TENM2: variants seen among roughly 807,000 people sequenced by gnomAD.
The protein encoded by TENM2 is teneurin transmembrane protein 2.
Under a neutral mutation model 245.2 loss-of-function variants are expected in TENM2, and 52 were observed. The observed-to-expected ratio is 0.21, with a 90% CI of 0.17 to 0.27. The LOEUF (loss-of-function observed/expected upper bound fraction) is 0.27. Among genes scored for constraint, TENM2 ranks in the 10% least tolerant of loss-of-function variants. The pLI is 1.00. For missense variants in TENM2, 3,046 were observed against 3,666.8 expected (o/e 0.83, Z 4.37); for synonymous variants, 1,363 against 1,438.9 (o/e 0.95, Z 1.19).
intron 2 of TENM2, among the ~76,000 whole-genome samples, chr5:167,474,587 C>T (rs1316169708): frequency 1.3e-5 from 2 of 151,520 alleles, no homozygotes; most frequent in African/African-American, 4.9e-5. Context: ...GATCATGGCT[C>T]ACTGCAACCT....
chr5:167,258,215 G>GTATATATATATGTGTGTATATATA, the TENM2 span, among the ~76,000 whole-genome samples: 55 of 122,882 alleles, frequency 4.5e-4, no homozygotes, highest in African/African-American at 1.7e-3. Flanking sequence ...ATATATATAT[G>GTATATATATATGTGTGTATATATA]TATATATATA....
intron 3 of TENM2, among the ~76,000 whole-genome samples, chr5:167,912,565 G>C (rs1776631593): frequency 6.6e-6 from 1 of 152,158 alleles, no homozygotes. Flanking sequence ...AGGAGTGGGT[G>C]AGTGGAAAGT....
chr5:167,926,739 C>T (rs1453008145), intron 3 of TENM2, among the ~76,000 whole-genome samples: 1 of 149,946 alleles, frequency 6.7e-6, no homozygotes, highest in African/African-American at 2.5e-5. Flanking sequence ...CACACACACA[C>T]ACACACACAC....
At chr5:167,596,027 A>T (rs1776182648) in intron 2 of TENM2, among the ~76,000 whole-genome samples, 1 of 152,098 alleles carries the variant, frequency 6.6e-6, no homozygotes, top group African/African-American at 2.4e-5. Flanking sequence ...AACCCCCCTT[A>T]TTTGATTTTG....
intron 2 of TENM2, among the ~76,000 whole-genome samples, chr5:167,397,987 T>G (rs1182779089): frequency 6.6e-6 from 1 of 152,166 alleles, no homozygotes; most frequent in African/African-American, 2.4e-5. Context: ...GAACTATATA[T>G]ACTCCATGCA....
At chr5:166,993,475 G>A in the TENM2 span, among the ~76,000 whole-genome samples, 332 of 152,266 alleles carry the variant, frequency 2.2e-3, 3 homozygotes, top group Middle Eastern at 6.8e-3. Flanking sequence ...AACAATTCTA[G>A]AGCCAGGACC....
At chr5:167,109,545 C>T in the TENM2 span, among the ~76,000 whole-genome samples, 4 of 152,262 alleles carry the variant, frequency 2.6e-5, no homozygotes, top group East Asian at 3.9e-4. Context: ...TCACTTCCCA[C>T]GTTCATCCTA....
chr5:167,573,586 T>TTC (rs906755869), intron 2 of TENM2, among the ~76,000 whole-genome samples: 2 of 151,796 alleles, frequency 1.3e-5, no homozygotes, highest in Non-Finnish European at 2.9e-5. Flanking sequence ...TCGCTCATTG[T>TTC]TCTCTCTCTC....
At chr5:167,569,949 A>G (rs906804915) in intron 2 of TENM2, among the ~76,000 whole-genome samples, 61 of 152,248 alleles carry the variant, frequency 4.0e-4, no homozygotes, top group Admixed American at 2.6e-4. Flanking sequence ...TGTGATAGCT[A>G]TGGGAATTAA....
intron 2 of TENM2, among the ~76,000 whole-genome samples, chr5:167,808,926 G>A (rs1416981584): frequency 6.6e-6 from 1 of 152,180 alleles, no homozygotes; most frequent in African/African-American, 2.4e-5. Flanking sequence ...TTTGCAAGAT[G>A]TATCATTGTT....
chr5:167,351,736 C>T (rs1758927911), intron 1 of TENM2, among the ~76,000 whole-genome samples: 1 of 152,122 alleles, frequency 6.6e-6, no homozygotes, highest in South Asian at 2.1e-4. Context: ...TCCTAATTAG[C>T]TGTTTTCAAA....
the TENM2 span, among the ~76,000 whole-genome samples, chr5:167,056,127 G>T: frequency 6.6e-5 from 10 of 151,674 alleles, no homozygotes; most frequent in Non-Finnish European, 1.3e-4. Flanking sequence ...ATTGAGTGTT[G>T]GATTTGTCAA....
At chr5:167,883,571 C>T (rs1258908562) in intron 3 of TENM2, among the ~76,000 whole-genome samples, 5 of 152,146 alleles carry the variant, frequency 3.3e-5, no homozygotes, top group Admixed American at 6.5e-5. Context: ...TCTTTCTCAG[C>T]AAATAATCTT....
At chr5:167,387,351 T>C (rs2127352877) in intron 2 of TENM2, among the ~76,000 whole-genome samples, 1 of 152,204 alleles carries the variant, frequency 6.6e-6, no homozygotes, top group Admixed American at 6.6e-5. Flanking sequence ...GAGCTACTGA[T>C]TTGTGTACAC....
intron 1 of TENM2, among the ~76,000 whole-genome samples, chr5:167,344,919 A>G (rs1758365678): frequency 6.6e-6 from 1 of 152,146 alleles, no homozygotes; most frequent in Admixed American, 6.5e-5. Flanking sequence ...AGCTTCCAAA[A>G]TCAGCCTTTG....
At chr5:167,192,099 AC>A in the TENM2 span, among the ~76,000 whole-genome samples, 1 of 152,230 alleles carries the variant, frequency 6.6e-6, no homozygotes. Context: ...TACTCTAGGT[AC>A]AGAAAGCTGT....
At chr5:168,179,121 T>G (rs1455209395) in intron 13 of TENM2, among the ~76,000 whole-genome samples, 19 of 116,926 alleles carry the variant, frequency 1.6e-4, no homozygotes, top group African/African-American at 5.3e-4. Context: ...AGCAACAGAG[T>G]GAGACTCTGC....
intron 12 of TENM2, among the ~76,000 whole-genome samples, chr5:168,161,708 T>C (rs1025860556): frequency 2.0e-5 from 3 of 152,052 alleles, no homozygotes; most frequent in Non-Finnish European, 4.4e-5. Flanking sequence ...CCAGTCTCCC[T>C]TTGTCCAAAC....
chr5:167,997,740 C>T (rs1581008166), intron 5 of TENM2, among the ~76,000 whole-genome samples: 1 of 152,062 alleles, frequency 6.6e-6, no homozygotes, highest in East Asian at 1.9e-4. Context: ...GAATGTAAAC[C>T]CATTGTTTAG....
Sources: allele counts gnomAD v4.1 joint callset (sites outside exome capture counted in the v4.1 genomes callset), GRCh38; gene constraint gnomAD v4.1.1; transcripts MANE v1.5; gene names NCBI Gene and HGNC (gene_info 2026-07-23, HGNC 2026-07-21).